The following LIN7A variants were observed in gnomAD, a reference collection of about 807,000 sequenced individuals.
The protein encoded by LIN7A is lin-7 cell polarity scaffold A, also known as protein lin-7 homolog A.
LIN7A carries 25 observed loss-of-function variants against 29.8 expected under a neutral mutation model. The ratio of observed to expected loss-of-function variants is 0.84; its 90% CI spans 0.61 to 1.17. LIN7A has a LOEUF of 1.17. Among genes scored for constraint, LIN7A ranks in the 50% most tolerant of loss-of-function variants. The pLI is 0.00. For missense variants in LIN7A, 239 were observed against 287.0 expected, an observed-to-expected ratio of 0.83 and a Z score of 1.21; for synonymous variants, 118 against 107.5, an observed-to-expected ratio of 1.10 and a Z score of -0.60.
intron 1 of LIN7A, among the ~76,000 whole-genome samples, chr12:80,921,097 T>C (rs552416291): frequency 6.6e-6 from 1 of 152,050 alleles, no homozygotes. Flanking sequence ...GTAAGGACTT[T>C]GAGATATGAT....
chr12:80,912,226 G>A (rs891520394), intron 1 of LIN7A, among the ~76,000 whole-genome samples: 2 of 152,092 alleles, frequency 1.3e-5, no homozygotes, highest in Non-Finnish European at 2.9e-5. Context: ...AAGTTTGAAA[G>A]CAGTGACTGA....
At chr12:80,823,992 C>A (rs544186939) in intron 4 of LIN7A, among the ~76,000 whole-genome samples, 23 of 152,056 alleles carry the variant, frequency 1.5e-4, no homozygotes, top group African/African-American at 5.3e-4. Context: ...AATCCAAACC[C>A]AAACCCAGCA....
At chr12:80,849,050 C>T (rs553896344) in intron 2 of LIN7A, among the ~76,000 whole-genome samples, 24 of 152,260 alleles carry the variant, frequency 1.6e-4, no homozygotes, top group Admixed American at 5.2e-4. Flanking sequence ...TCTCCACTAA[C>T]GCTGACTCAT....
chr12:80,852,648 C>T (rs1344818981), intron 2 of LIN7A, among the ~76,000 whole-genome samples: 1 of 152,108 alleles, frequency 6.6e-6, no homozygotes, highest in Non-Finnish European at 1.5e-5. Context: ...AATTTAGTTG[C>T]TTAGCCAGCA....
chr12:80,824,767 A>G (rs1249589930), intron 4 of LIN7A, among the ~76,000 whole-genome samples: 1 of 152,232 alleles, frequency 6.6e-6, no homozygotes, highest in Non-Finnish European at 1.5e-5. Context: ...CGAAAATCAC[A>G]TGATCATCTC....
chr12:80,911,650 A>G (rs1048457684), intron 1 of LIN7A, among the ~76,000 whole-genome samples: 4 of 152,210 alleles, frequency 2.6e-5, no homozygotes, highest in African/African-American at 7.2e-5. Context: ...AATTGACTCA[A>G]AATAAACAAG....
At chr12:80,923,185 C>T (rs1877404526) in intron 1 of LIN7A, among the ~76,000 whole-genome samples, 1 of 152,140 alleles carries the variant, frequency 6.6e-6, no homozygotes, top group Admixed American at 6.6e-5. Context: ...TTCTTTTGTC[C>T]TTGGACGTCA....
At chr12:80,896,779 C>T (rs1434726985) in intron 1 of LIN7A, among the ~76,000 whole-genome samples, 1 of 152,184 alleles carries the variant, frequency 6.6e-6, no homozygotes, top group Non-Finnish European at 1.5e-5. Flanking sequence ...TCTGACAATA[C>T]TAGAGTCATG....
At chr12:80,932,878 A>G (rs1877990257) in intron 1 of LIN7A, among the ~76,000 whole-genome samples, 2 of 152,198 alleles carry the variant, frequency 1.3e-5, no homozygotes, top group Non-Finnish European at 1.5e-5. Context: ...CCTTGAGTTT[A>G]GCTGAAGGTC....
At chr12:80,836,334 C>T (rs951653286) in intron 4 of LIN7A, among the ~76,000 whole-genome samples, 3 of 152,316 alleles carry the variant, frequency 2.0e-5, no homozygotes, top group East Asian at 3.9e-4. Context: ...GTTTAAATGT[C>T]ACCCTTCAAA....
In LIN7A at chr12:80,814,416, G is replaced by A. The variant is rs182422852; in HGVS notation, c.484-2733C>T. 3.1e-5 allele frequency among the ~76,000 whole-genome samples: 4 copies of A among 128,832 alleles called. No individual in the cohort carries two copies. In the East Asian group the frequency reaches 6.2e-4, roughly 20 times the overall value. 84.5% of individuals were successfully genotyped at this position (128,832 alleles called of 152,430 possible). On this transcript the variant is annotated intron_variant, in intron 4 of 5. Transcript: ENST00000552864. ...TTAATATTAAAACTTACATGTTTAT[G>A]TTTTAATAATGGTTCACCCAGTTTC...
chr12:80,904,780 G>A (rs367658711), intron 1 of LIN7A, among the ~76,000 whole-genome samples: 1 of 152,102 alleles, frequency 6.6e-6, no homozygotes, highest in Admixed American at 6.6e-5. Context: ...CTTGGGGGTG[G>A]AACCCAATTT....
chr12:80,841,377 A>T (rs1051634520), intron 4 of LIN7A, among the ~76,000 whole-genome samples: 1 of 147,574 alleles, frequency 6.8e-6, no homozygotes, highest in Non-Finnish European at 1.5e-5. Context: ...GGAAGGAAGG[A>T]AGGAAGGAAG....
intron 5 of LIN7A, among the ~76,000 whole-genome samples, chr12:80,804,332 T>G (rs1870866961): frequency 6.6e-6 from 1 of 152,134 alleles, no homozygotes; most frequent in East Asian, 1.9e-4. Flanking sequence ...ATTGTGTTTT[T>G]GTACCCGTTA....
At chr12:80,837,171 C>T (rs1164462059) in intron 4 of LIN7A, among the ~76,000 whole-genome samples, 2 of 152,144 alleles carry the variant, frequency 1.3e-5, no homozygotes, top group Non-Finnish European at 2.9e-5. Flanking sequence ...CAACTGGTTC[C>T]ATTCCATAGC....
intron 2 of LIN7A, among the ~76,000 whole-genome samples, chr12:80,858,788 G>A (rs1873728601): frequency 1.3e-5 from 2 of 152,176 alleles, no homozygotes; most frequent in African/African-American, 4.8e-5. Context: ...GGATTGTGAA[G>A]TGCTTAGATA....
At chr12:80,865,940 C>T (rs140565358) in intron 2 of LIN7A, among the ~76,000 whole-genome samples, 1,921 of 152,176 alleles carry the variant, frequency 0.013, 19 homozygotes, top group South Asian at 0.026. Context: ...TAGTTAGTTT[C>T]CTAAATTATA....
chr12:80,933,705 C>T (rs1878045476), intron 1 of LIN7A, among the ~76,000 whole-genome samples: 1 of 152,156 alleles, frequency 6.6e-6, no homozygotes, highest in Non-Finnish European at 1.5e-5. Context: ...CACAGGAGTT[C>T]CCCCTCCTGA....
At chr12:80,826,264 C>G (rs1872073303) in intron 4 of LIN7A, among the ~76,000 whole-genome samples, 1 of 152,176 alleles carries the variant, frequency 6.6e-6, no homozygotes, top group Admixed American at 6.6e-5. Flanking sequence ...TTTAAATGCT[C>G]TAACTGGCTC....
Sources: gnomAD v4.1 joint callset for allele counts (sites outside exome capture counted in the v4.1 genomes callset) on GRCh38, gnomAD v4.1.1 for gene constraint, MANE v1.5 for transcripts, NCBI Gene and HGNC (gene_info 2026-07-23, HGNC 2026-07-21) for gene names.